The following SPAG9 variants were observed in gnomAD, a reference collection of about 807,000 sequenced individuals.
SPAG9 encodes the protein sperm associated antigen 9, also known as C-Jun-amino-terminal kinase-interacting protein 4.
In SPAG9, 35 loss-of-function variants were observed where a neutral mutation model predicts 166.5. The ratio of observed to expected loss-of-function variants is 0.21; its 90% CI spans 0.16 to 0.28. The LOEUF (loss-of-function observed/expected upper bound fraction) is 0.28, where lower values mean the gene tolerates loss of function less well. Ranked by LOEUF, SPAG9 falls within the 10% of genes least tolerant of loss-of-function variation. The probability of loss-of-function intolerance (pLI) is 1.00; values close to 1 mark genes in which losing one functional copy is unlikely to be tolerated. For synonymous variants in SPAG9, 534 were observed against 565.5 expected (o/e 0.94, Z 0.79); for missense variants, 1,235 against 1,603.3 (o/e 0.77, Z 3.92).
intron 4 of SPAG9, chr17:51,046,445 C>T: frequency 7.6e-7 from 1 of 1,312,308 alleles, no homozygotes; most frequent in South Asian, 1.3e-5. Context: ...ACCCGTTGAG[C>T]TAAAAATTTA....
At chr17:51,083,843 C>T (rs1288110433) in intron 1 of SPAG9, among the ~76,000 whole-genome samples, 1 of 151,986 alleles carries the variant, frequency 6.6e-6, no homozygotes, top group Non-Finnish European at 1.5e-5. Flanking sequence ...AGAAAAAACG[C>T]CCCCGCCCAT....
chr17:50,998,007 C>G (rs1209728857), intron 15 of SPAG9, among the ~76,000 whole-genome samples: 2 of 146,722 alleles, frequency 1.4e-5, no homozygotes, highest in Admixed American at 1.4e-4. Flanking sequence ...TAAAGACAGC[C>G]AAGTTACAGA....
intron 1 of SPAG9, 32 bp from the exon 2 acceptor site, chr17:51,079,736 G>T: frequency 7.1e-7 from 1 of 1,409,490 alleles, no homozygotes; most frequent in Non-Finnish European, 9.8e-7. Context: ...AATTTAATCA[G>T]AGAAATTAAA....
chr17:51,088,893 G>C lies in SPAG9; in HGVS notation c.304-9189C>G. On this transcript the variant is annotated intron_variant, in intron 1 of 29. Coordinates refer to ENST00000262013, the MANE Select transcript of SPAG9 (RefSeq NM_001130528.3). ...GTGGGTCATGTGGTCAAGAGATGGA[G>C]ACCACTCTGGCCAACATGGTGCAAC... is the stretch of plus-strand genomic sequence containing the variant. Among the ~76,000 whole-genome samples, 2 of 151,194 alleles carry C rather than the reference G, an allele frequency of 1.3e-5. 1 individual carries two copies. Among genetic ancestry groups the C allele is most frequent in the East Asian group, 3.9e-4 (2 of 5,122 alleles).
intron 1 of SPAG9, among the ~76,000 whole-genome samples, chr17:51,086,147 T>C: frequency 6.6e-6 from 1 of 151,772 alleles, no homozygotes; most frequent in East Asian, 1.9e-4. Context: ...ACTCAGCTAA[T>C]TTTTGTATTT....
chr17:50,993,315 CAAAAAA>C (rs71149333), intron 19 of SPAG9, among the ~76,000 whole-genome samples: 1 of 79,854 alleles, frequency 1.3e-5, no homozygotes, highest in African/African-American at 4.8e-5. Flanking sequence ...GACTCTGTCT[CAAAAAA>C]AAAAAAAAAA....
At chr17:51,031,595 G>A (rs1366465906) in intron 6 of SPAG9, 86 bp downstream of exon 6, 8 of 930,902 alleles carry the variant, frequency 8.6e-6, no homozygotes, top group Non-Finnish European at 1.4e-5. Flanking sequence ...AGCATCTGAT[G>A]TCTTGAGAAT....
chr17:51,065,727 T>A (rs2047643875), intron 2 of SPAG9, among the ~76,000 whole-genome samples: 1 of 152,140 alleles, frequency 6.6e-6, no homozygotes, highest in South Asian at 2.1e-4. Flanking sequence ...CCCCTGCAGG[T>A]AGCCTCTGAC....
intron 6 of SPAG9, chr17:51,030,842 G>A (rs1248525527): frequency 6.6e-6 from 1 of 151,810 alleles, no homozygotes; most frequent in African/African-American, 2.4e-5. Flanking sequence ...CCCTGACCTA[G>A]CACGTAGGAG....
chr17:50,981,873 T>C (rs1049476819), intron 25 of SPAG9, among the ~76,000 whole-genome samples: 1 of 151,412 alleles, frequency 6.6e-6, no homozygotes, highest in South Asian at 2.1e-4. Context: ...CTACTAAAAA[T>C]ACAAAAAAAA....
At chr17:51,046,991 C>T in intron 4 of SPAG9, 3 of 1,310,596 alleles carry the variant, frequency 2.3e-6, no homozygotes, top group East Asian at 3.4e-5. Context: ...CACACTCCTA[C>T]ACCAAACAGA....
intron 1 of SPAG9, among the ~76,000 whole-genome samples, chr17:51,103,703 A>C (rs1207301460): frequency 6.6e-6 from 1 of 152,130 alleles, no homozygotes; most frequent in Non-Finnish European, 1.5e-5. Context: ...AAGTGAGAGG[A>C]CCACTTGAGC....
chr17:51,061,758 A>G (rs1447031876), intron 2 of SPAG9, among the ~76,000 whole-genome samples: 2 of 152,054 alleles, frequency 1.3e-5, no homozygotes, highest in Non-Finnish European at 2.9e-5. Context: ...AAAATTCCTT[A>G]AAGTTCTAGT....
At chr17:51,088,985 C>A (rs913079675) in intron 1 of SPAG9, among the ~76,000 whole-genome samples, 3 of 151,426 alleles carry the variant, frequency 2.0e-5, no homozygotes, top group Admixed American at 6.6e-5. Flanking sequence ...CCCAGCTACT[C>A]GGAAGGCTGA....
chr17:51,014,893 T>C (rs771497211), intron 8 of SPAG9, among the ~76,000 whole-genome samples: 2 of 151,970 alleles, frequency 1.3e-5, no homozygotes, highest in Non-Finnish European at 2.9e-5. Flanking sequence ...GTGTATATAC[T>C]ATATGCCCTA....
At chr17:51,047,619 A>G in intron 3 of SPAG9, 150 bp from the exon 4 acceptor site, 1 of 383,174 alleles carries the variant, frequency 2.6e-6, no homozygotes, top group Non-Finnish European at 4.6e-6. Flanking sequence ...AATGAAAAAA[A>G]TTTTAAGGGA....
At chr17:50,993,044 C>T (rs1975736575) in intron 19 of SPAG9, among the ~76,000 whole-genome samples, 1 of 147,830 alleles carries the variant, frequency 6.8e-6, no homozygotes, top group South Asian at 2.2e-4. Context: ...TGCAGTAAGC[C>T]GAGACGGTGC....
intron 3 of SPAG9, among the ~76,000 whole-genome samples, chr17:51,053,213 TAAAATTA>T (rs1178441680): frequency 6.7e-6 from 1 of 150,350 alleles, no homozygotes; most frequent in African/African-American, 2.4e-5. Flanking sequence ...AATATATTTA[TAAAATTA>T]TAAATTATAA....
At chr17:51,026,112 A>G (rs1186400883) in intron 6 of SPAG9, among the ~76,000 whole-genome samples, 4 of 152,112 alleles carry the variant, frequency 2.6e-5, no homozygotes, top group African/African-American at 9.7e-5. Context: ...AATATAGAGA[A>G]ATTATTTCTT....
Sources: gnomAD v4.1 joint callset for allele counts (sites outside exome capture counted in the v4.1 genomes callset) on GRCh38, gnomAD v4.1.1 for gene constraint, MANE v1.5 for transcripts, NCBI Gene and HGNC (gene_info 2026-07-23, HGNC 2026-07-21) for gene names.